SPMIP7: variants seen among roughly 807,000 people sequenced by gnomAD.
SPMIP7 encodes sperm microtubule inner protein 7, also known as protein SPMIP7.
At chr7:50,113,718 T>C in the SPMIP7 span, among the ~76,000 whole-genome samples, 1 of 151,966 alleles carries the variant, frequency 6.6e-6, no homozygotes, top group South Asian at 2.1e-4. Context: ...ATACATGCAT[T>C]GGGGTCTCAG....
chr7:50,155,253 A>G, the SPMIP7 span, among the ~76,000 whole-genome samples: 1 of 152,234 alleles, frequency 6.6e-6, no homozygotes. Context: ...GATACACAAG[A>G]AACCATTGCC....
the SPMIP7 span, among the ~76,000 whole-genome samples, chr7:50,119,900 A>G: frequency 6.6e-6 from 1 of 152,178 alleles, no homozygotes; most frequent in Non-Finnish European, 1.5e-5. Flanking sequence ...CCAGCATGCT[A>G]TAAAGGGACC....
At chr7:50,096,413 T>C in the SPMIP7 span, 1 of 1,551,806 alleles carries the variant, frequency 6.4e-7, no homozygotes, top group South Asian at 1.2e-5. Context: ...CTGTTCAGGG[T>C]TTATGAGTCC....
chr7:50,124,333 A>G, the SPMIP7 span, among the ~76,000 whole-genome samples: 1 of 152,210 alleles, frequency 6.6e-6, no homozygotes, highest in African/African-American at 2.4e-5. Context: ...TAAAGCAACT[A>G]GACAAAACAA....
the SPMIP7 span, chr7:50,096,780 GAAAC>G: frequency 7.3e-6 from 5 of 686,288 alleles, no homozygotes; most frequent in East Asian, 8.5e-5. Context: ...CAGATTATAA[GAAAC>G]AAAGGAATGA....
the SPMIP7 span, among the ~76,000 whole-genome samples, chr7:50,111,700 TG>T: frequency 7.2e-5 from 11 of 152,182 alleles, no homozygotes; most frequent in Admixed American, 6.6e-4. Flanking sequence ...AGGGAAACCC[TG>T]TCAAGGATTC....
the SPMIP7 span, among the ~76,000 whole-genome samples, chr7:50,132,460 G>T: frequency 6.6e-6 from 1 of 152,100 alleles, no homozygotes; most frequent in Non-Finnish European, 1.5e-5. Context: ...TTTATTATAT[G>T]ACAAAGTATC....
the SPMIP7 span, among the ~76,000 whole-genome samples, chr7:50,153,643 T>G: frequency 6.6e-6 from 1 of 152,174 alleles, no homozygotes; most frequent in African/African-American, 2.4e-5. Flanking sequence ...GGAATGTTAC[T>G]ATCACCATTT....
the SPMIP7 span, among the ~76,000 whole-genome samples, chr7:50,118,672 G>C: frequency 6.6e-6 from 1 of 152,136 alleles, no homozygotes; most frequent in East Asian, 1.9e-4. Flanking sequence ...AGAAACAGTC[G>C]AATAAGCTTA....
the SPMIP7 span, chr7:50,120,336 A>G: frequency 1.3e-5 from 2 of 152,160 alleles, no homozygotes; most frequent in Non-Finnish European, 2.9e-5. Flanking sequence ...AATTGGGAAA[A>G]AATCTTGAAA....
chr7:50,102,570 G>C, the SPMIP7 span, among the ~76,000 whole-genome samples: 3 of 152,102 alleles, frequency 2.0e-5, no homozygotes, highest in African/African-American at 7.2e-5. Context: ...CTGACACTCT[G>C]TTCTCTAACT....
At chr7:50,131,665 G>A in the SPMIP7 span, among the ~76,000 whole-genome samples, 17 of 152,294 alleles carry the variant, frequency 1.1e-4, no homozygotes, top group Admixed American at 5.2e-4. Flanking sequence ...GGAGGAAGAT[G>A]AAGAGTCTAG....
chr7:50,129,950 G>T, the SPMIP7 span, among the ~76,000 whole-genome samples: 4 of 152,072 alleles, frequency 2.6e-5, no homozygotes, highest in African/African-American at 9.7e-5. Context: ...AATAAACATT[G>T]AAGGAAGAGT....
At chr7:50,125,618 G>A in the SPMIP7 span, among the ~76,000 whole-genome samples, 5 of 129,008 alleles carry the variant, frequency 3.9e-5, no homozygotes, top group South Asian at 2.5e-4. Flanking sequence ...GTGTGTGTGT[G>A]TATAAATATA....
At chr7:50,125,185 C>CATATATATACACATATATACACAT in the SPMIP7 span, among the ~76,000 whole-genome samples, 5 of 57,474 alleles carry the variant, frequency 8.7e-5, no homozygotes, top group African/African-American at 5.1e-4. Context: ...TATATATACA[C>CATATATATACACATATATACACAT]ATATATACAC....
the SPMIP7 span, among the ~76,000 whole-genome samples, chr7:50,128,227 T>A: frequency 6.6e-6 from 1 of 151,944 alleles, no homozygotes. Context: ...AAGACAAATA[T>A]TGCTTGTTCA....
the SPMIP7 span, chr7:50,151,337 T>A: frequency 6.2e-5 from 53 of 851,316 alleles, no homozygotes; most frequent in East Asian, 5.5e-4. Flanking sequence ...AAAAAAAAAA[T>A]TAGACTGCAT....
chr7:50,129,628 G>A, the SPMIP7 span: 19 of 893,472 alleles, frequency 2.1e-5, 1 homozygote, highest in South Asian at 2.8e-4. Flanking sequence ...TGAAGAAAAA[G>A]GAATCCAAAA....
At chr7:50,110,053 A>G in the SPMIP7 span, among the ~76,000 whole-genome samples, 3 of 152,144 alleles carry the variant, frequency 2.0e-5, no homozygotes. Flanking sequence ...GGAATTGAGG[A>G]TCAATTCTGC....
Sources: allele counts gnomAD v4.1 joint callset (sites outside exome capture counted in the v4.1 genomes callset), GRCh38; gene constraint gnomAD v4.1.1; transcripts MANE v1.5; gene names NCBI Gene and HGNC (gene_info 2026-07-23, HGNC 2026-07-21).